CYRIB: variants seen among roughly 807,000 people sequenced by gnomAD.
CYRIB encodes the protein CYFIP related Rac1 interactor B.
Under a neutral mutation model 44.2 loss-of-function variants are expected in CYRIB, and 8 were observed. The observed-to-expected ratio is 0.18, with a 90% CI of 0.11 to 0.33. The LOEUF (loss-of-function observed/expected upper bound fraction) is 0.33, where lower values mean the gene tolerates loss of function less well. Among genes scored for constraint, CYRIB ranks in the 10% least tolerant of loss-of-function variants. The pLI, the probability that CYRIB is intolerant of heterozygous loss-of-function variation, is 1.00. For synonymous variants in CYRIB, 131 were observed against 127.2 expected (o/e 1.03, Z -0.20); for missense variants, 185 against 382.8 (o/e 0.48, Z 4.31).
chr8:129,920,988 G>T (rs113127398), intron 1 of CYRIB, among the ~76,000 whole-genome samples: 2,722 of 152,210 alleles, frequency 0.018, 42 homozygotes, highest in Non-Finnish European at 0.027. Context: ...GAAAAAAATT[G>T]TAAGTACTAA....
chr8:130,009,286 A>AGACAGAGT (rs2097170592), intron 1 of CYRIB, among the ~76,000 whole-genome samples: 1 of 141,658 alleles, frequency 7.1e-6, no homozygotes, highest in Non-Finnish European at 1.5e-5. Context: ...TTTTTTTTTG[A>AGACAGAGT]GACAGAGTTT....
At chr8:129,979,987 C>T (rs1408258511) in intron 1 of CYRIB, among the ~76,000 whole-genome samples, 1 of 151,672 alleles carries the variant, frequency 6.6e-6, no homozygotes, top group Non-Finnish European at 1.5e-5. Context: ...AAACATGAAC[C>T]ATCTTCCAGA....
intron 1 of CYRIB, among the ~76,000 whole-genome samples, chr8:129,998,920 G>T (rs1412906363): frequency 6.6e-6 from 1 of 151,664 alleles, no homozygotes; most frequent in Non-Finnish European, 1.5e-5. Flanking sequence ...TTCTTTTTTT[G>T]AAAATTCAAG....
intron 9 of CYRIB, chr8:129,850,561 A>G (rs1406445789): frequency 2.5e-6 from 1 of 397,650 alleles, no homozygotes; most frequent in African/African-American, 2.1e-5. Flanking sequence ...CACCACCACC[A>G]CTTCTGTTCT....
intron 1 of CYRIB, among the ~76,000 whole-genome samples, chr8:129,996,590 C>T (rs563569933): frequency 1.3e-5 from 2 of 152,162 alleles, no homozygotes; most frequent in Non-Finnish European, 2.9e-5. Flanking sequence ...TGGATTAGGA[C>T]ATTTATCTCA....
At chr8:130,013,263 G>A (rs1012828632) in intron 1 of CYRIB, among the ~76,000 whole-genome samples, 11 of 152,116 alleles carry the variant, frequency 7.2e-5, no homozygotes, top group South Asian at 2.1e-4. Context: ...TGACACATGC[G>A]CCCATTTTAC....
At chr8:129,890,350 G>C (rs187399618) in intron 2 of CYRIB, 8 of 152,316 alleles carry the variant, frequency 5.3e-5, no homozygotes, top group Admixed American at 5.2e-4. Context: ...ACCTTGATCA[G>C]TCTGAAGCCA....
intron 2 of CYRIB, among the ~76,000 whole-genome samples, chr8:129,950,000 T>C (rs1171165650): frequency 1.3e-5 from 2 of 152,200 alleles, no homozygotes; most frequent in Admixed American, 1.3e-4. Context: ...CAACTGTCTT[T>C]GGCTATAAAA....
chr8:129,943,592 CTTTTT>C (rs1172470025), upstream of CYRIB, among the ~76,000 whole-genome samples: 2 of 96,188 alleles, frequency 2.1e-5, no homozygotes, highest in Non-Finnish European at 3.9e-5. Context: ...GAGACTCCAT[CTTTTT>C]TTTTTTTTTT....
chr8:129,965,525 G>T (rs190003780), intron 2 of CYRIB, among the ~76,000 whole-genome samples: 1 of 152,214 alleles, frequency 6.6e-6, no homozygotes, highest in East Asian at 1.9e-4. Context: ...GGCCGGGCGC[G>T]GTGGCTCACG....
chr8:130,015,808 A>C (rs1236910032), intron 1 of CYRIB, among the ~76,000 whole-genome samples: 54 of 152,340 alleles, frequency 3.5e-4, no homozygotes, highest in Middle Eastern at 3.4e-3. Flanking sequence ...GCGAAGAGGA[A>C]GTGCTCTTTA....
chr8:130,005,754 G>A (rs762868391), intron 1 of CYRIB, among the ~76,000 whole-genome samples: 2 of 151,550 alleles, frequency 1.3e-5, no homozygotes, highest in Non-Finnish European at 2.9e-5. Context: ...GAGGCAGGAG[G>A]ATCACTTGAG....
chr8:129,945,387 GT>G (rs1447605317), intron 2 of CYRIB, among the ~76,000 whole-genome samples: 5 of 152,166 alleles, frequency 3.3e-5, no homozygotes, highest in African/African-American at 1.2e-4. Flanking sequence ...ACTTACACAA[GT>G]TATTCAACAT....
intron 1 of CYRIB, among the ~76,000 whole-genome samples, chr8:130,011,436 G>A (rs1048121304): frequency 6.6e-5 from 10 of 151,988 alleles, no homozygotes; most frequent in East Asian, 1.9e-4. Context: ...CAGGAGAATC[G>A]CTTGAACCCG....
At chr8:129,913,946 T>C (rs1008499020) in intron 1 of CYRIB, among the ~76,000 whole-genome samples, 1 of 152,230 alleles carries the variant, frequency 6.6e-6, no homozygotes, top group Non-Finnish European at 1.5e-5. Flanking sequence ...TAATGAGAAA[T>C]GAAGGTACTG....
At chr8:129,875,882 G>A (rs1017508681) in intron 3 of CYRIB, among the ~76,000 whole-genome samples, 4 of 152,158 alleles carry the variant, frequency 2.6e-5, no homozygotes, top group Admixed American at 2.0e-4. Flanking sequence ...GGGAGGCTGA[G>A]GCAGGTGGAT....
intron 1 of CYRIB, among the ~76,000 whole-genome samples, chr8:130,012,120 C>A (rs1442810567): frequency 6.6e-6 from 1 of 152,014 alleles, no homozygotes; most frequent in East Asian, 1.9e-4. Flanking sequence ...AAGCAAACCT[C>A]CTCATCAACT....
chr8:129,870,829 A>C (rs1393400142), intron 4 of CYRIB, among the ~76,000 whole-genome samples: 1 of 152,210 alleles, frequency 6.6e-6, no homozygotes, highest in Non-Finnish European at 1.5e-5. Flanking sequence ...AAAAGATAGA[A>C]GATTTAATTA....
intron 1 of CYRIB, among the ~76,000 whole-genome samples, chr8:129,982,950 T>C (rs2096294797): frequency 6.6e-6 from 1 of 150,500 alleles, no homozygotes; most frequent in Non-Finnish European, 1.5e-5. Flanking sequence ...CTCTCCAAAA[T>C]GTATACACTA....
Sources: allele counts gnomAD v4.1 joint callset (sites outside exome capture counted in the v4.1 genomes callset), GRCh38; gene constraint gnomAD v4.1.1; transcripts MANE v1.5; gene names NCBI Gene and HGNC (gene_info 2026-07-23, HGNC 2026-07-21).